MED27: variants seen among roughly 807,000 people sequenced by gnomAD.
The protein encoded by MED27 is mediator of RNA polymerase II transcription subunit 27.
MED27 carries 30 observed loss-of-function variants against 38.2 expected under a neutral mutation model. The observed-to-expected ratio is 0.79, with a 90% CI of 0.59 to 1.07. The LOEUF (loss-of-function observed/expected upper bound fraction) is 1.07. Ranked by LOEUF, MED27 falls within the 50% of genes least tolerant of loss-of-function variation. MED27 has a pLI of 0.00. For synonymous variants in MED27, 122 were observed against 153.5 expected (o/e 0.79, Z 1.52); for missense variants, 289 against 397.5 (o/e 0.73, Z 2.32).
chr9:131,947,416 G>A (rs550819542), intron 3 of MED27, among the ~76,000 whole-genome samples: 103 of 152,264 alleles, frequency 6.8e-4, no homozygotes, highest in African/African-American at 2.4e-3. Context: ...TTATTGACAT[G>A]CCAATTTTAA....
Position 131,972,512 on chromosome 9 carries a change from C to T in MED27, c.480-33038G>A, listed in dbSNP as rs560095213. ...AAAGTCTCAGGTGGTATGTCCCTGCCACCCAGAATCTAGCACTCAGCCCTG... is the reference window on the plus strand; with the variant it reads ...AAAGTCTCAGGTGGTATGTCCCTGCTACCCAGAATCTAGCACTCAGCCCTG... On this transcript the variant is annotated intron_variant, in intron 3 of 7. Coordinates refer to ENST00000292035, the MANE Select transcript of MED27 (RefSeq NM_004269.4). 1.2e-4 allele frequency among the ~76,000 whole-genome samples: 19 copies of T among 152,294 alleles called. No homozygotes were observed. In the South Asian group the frequency reaches 3.3e-3, roughly 27 times the overall value.
intron 3 of MED27, among the ~76,000 whole-genome samples, chr9:131,940,488 T>A (rs1830766794): frequency 6.6e-6 from 1 of 152,158 alleles, no homozygotes. Flanking sequence ...CTATCTCAGC[T>A]CACTGCAACC....
At chr9:131,881,800 CTTTTT>C (rs61624043) in intron 6 of MED27, among the ~76,000 whole-genome samples, 78 of 60,974 alleles carry the variant, frequency 1.3e-3, no homozygotes, top group African/African-American at 2.4e-3. Context: ...TCTTCTTCTT[CTTTTT>C]TTTTTTTTTT....
At chr9:131,964,463 G>A (rs892038910) in intron 3 of MED27, among the ~76,000 whole-genome samples, 1 of 149,594 alleles carries the variant, frequency 6.7e-6, no homozygotes, top group Non-Finnish European at 1.5e-5. Context: ...GTAATATTCA[G>A]GCTCCTTTGT....
intron 2 of MED27, among the ~76,000 whole-genome samples, chr9:132,043,106 C>G (rs1011218098): frequency 6.6e-6 from 1 of 151,844 alleles, no homozygotes; most frequent in Admixed American, 6.6e-5. Flanking sequence ...ATAGTTAAAA[C>G]CAATAAAGTT....
chr9:132,017,540 T>C (rs1832630701), intron 2 of MED27, among the ~76,000 whole-genome samples: 2 of 152,296 alleles, frequency 1.3e-5, no homozygotes, highest in South Asian at 2.1e-4. Flanking sequence ...GGAATAAAAA[T>C]GAAAGAAGGA....
chr9:132,038,413 C>T (rs1269641687), intron 2 of MED27, among the ~76,000 whole-genome samples: 1 of 151,542 alleles, frequency 6.6e-6, no homozygotes. Flanking sequence ...GGGATGGTCT[C>T]GATCTCCTGA....
chr9:132,029,028 G>A (rs887464593), intron 2 of MED27, among the ~76,000 whole-genome samples: 5 of 152,190 alleles, frequency 3.3e-5, no homozygotes, highest in Non-Finnish European at 5.9e-5. Context: ...GACAAGTCAC[G>A]GTCAACTAAG....
intron 3 of MED27, among the ~76,000 whole-genome samples, chr9:131,948,615 G>A (rs996613912): frequency 4.0e-5 from 6 of 151,806 alleles, no homozygotes; most frequent in Non-Finnish European, 8.8e-5. Flanking sequence ...ACACACACTA[G>A]CTTAAATTTC....
chr9:131,901,256 G>A (rs897638924), intron 4 of MED27, among the ~76,000 whole-genome samples: 1 of 152,216 alleles, frequency 6.6e-6, no homozygotes. Flanking sequence ...GTAAGTGAGT[G>A]CAGTGAACAA....
intron 4 of MED27, among the ~76,000 whole-genome samples, chr9:131,922,976 T>C (rs1419611110): frequency 6.6e-6 from 1 of 152,182 alleles, no homozygotes; most frequent in Admixed American, 6.5e-5. Context: ...CACAGCAAGA[T>C]GCTCTAGGCT....
chr9:131,860,713 CG>C lies in MED27; in HGVS notation c.802-42del. ...AGGAGAGAAGTGAAAGAATGGGATA[CG>C]GGTGCTCCCAAAGTCCTCCTTCCTA... On this transcript the variant is annotated intron_variant, in intron 7 of 7. Coordinates refer to ENST00000292035, the MANE Select transcript of MED27 (RefSeq NM_004269.4). This position sits in a 1 kb window ranked among gnomAD's most constrained non-coding sequence, Gnocchi z 5.8. 2 of 1,603,278 alleles carry C rather than the reference CG, an allele frequency of 1.2e-6. No individual in the cohort carries two copies. Among genetic ancestry groups the C allele is most frequent in the African/African-American group, 1.3e-5 (1 of 74,816 alleles).
chr9:132,069,573 G>A (rs931549813), intron 2 of MED27, among the ~76,000 whole-genome samples: 1 of 152,208 alleles, frequency 6.6e-6, no homozygotes. Flanking sequence ...TCCACTCTGG[G>A]ATATTCTGAG....
chr9:131,937,408 T>C (rs1589222358), intron 4 of MED27, among the ~76,000 whole-genome samples: 2 of 152,180 alleles, frequency 1.3e-5, no homozygotes, highest in East Asian at 3.9e-4. Flanking sequence ...GGATGGGTGT[T>C]AGTGGTAGTA....
intron 4 of MED27, among the ~76,000 whole-genome samples, chr9:131,897,965 T>C (rs1023263901): frequency 3.9e-5 from 6 of 152,202 alleles, no homozygotes; most frequent in African/African-American, 1.4e-4. Context: ...TTTTATGTGC[T>C]GAAGAAACTG....
intron 3 of MED27, among the ~76,000 whole-genome samples, chr9:131,940,408 T>A (rs1403240530): frequency 6.6e-6 from 1 of 152,012 alleles, no homozygotes; most frequent in African/African-American, 2.4e-5. Flanking sequence ...ACATTTCTAT[T>A]TTTTCTTCTC....
intron 3 of MED27, among the ~76,000 whole-genome samples, chr9:131,953,544 C>T (rs1831038482): frequency 6.6e-6 from 1 of 152,118 alleles, no homozygotes; most frequent in Non-Finnish European, 1.5e-5. Context: ...CATGGTACCA[C>T]AGAGGCTAGG....
chr9:132,030,430 C>T (rs936322361), intron 2 of MED27, among the ~76,000 whole-genome samples: 1 of 152,108 alleles, frequency 6.6e-6, no homozygotes, highest in South Asian at 2.1e-4. Context: ...TTTTTAAAAC[C>T]AGCGTGCACC....
At chr9:132,066,079 G>A (rs1054915778) in intron 2 of MED27, among the ~76,000 whole-genome samples, 1 of 152,188 alleles carries the variant, frequency 6.6e-6, no homozygotes, top group South Asian at 2.1e-4. Flanking sequence ...CTGCATGCCT[G>A]CTCTGTACTC....
Sources: gnomAD v4.1 joint callset for allele counts (sites outside exome capture counted in the v4.1 genomes callset) on GRCh38, gnomAD v4.1.1 for gene constraint, Gnocchi (gnomAD v3.1) non-coding constraint, MANE v1.5 for transcripts, NCBI Gene and HGNC (gene_info 2026-07-23, HGNC 2026-07-21) for gene names.